INPP5D: variants seen among roughly 807,000 people sequenced by gnomAD.
INPP5D encodes the protein phosphatidylinositol 3,4,5-trisphosphate 5-phosphatase 1.
A neutral mutation model predicts 122.9 loss-of-function variants in INPP5D; 33 were observed. That is an observed-to-expected ratio of 0.27 (90% CI 0.20 to 0.36). INPP5D has a LOEUF of 0.36. Ranked by LOEUF, INPP5D falls within the 10% of genes least tolerant of loss-of-function variation. The pLI, the probability that INPP5D is intolerant of heterozygous loss-of-function variation, is 1.00. For missense variants in INPP5D, 1,053 were observed against 1,412.7 expected, an observed-to-expected ratio of 0.75 and a Z score of 4.08; for synonymous variants, 584 against 576.2, an observed-to-expected ratio of 1.01 and a Z score of -0.19.
rs1346807929 is a variant in INPP5D, at chr2:233,169,541, C to T, written c.1652+140C>T. 6.0e-6 allele frequency: 8 copies of T among 1,331,098 alleles called. No homozygotes were observed. In the Admixed American group the frequency reaches 2.1e-4, roughly 35 times the overall value. 82.5% of individuals were successfully genotyped at this position (1,331,098 alleles called of 1,614,324 possible). On this transcript the variant is annotated intron_variant, in intron 14 of 26. Coordinates refer to ENST00000445964, the MANE Select transcript of INPP5D (RefSeq NM_001017915.3). ...TCCTGTGGCCTTTCAGGGCCCACCA[C>T]AGTCTCATCAAAGGCAACTGCAGCA...
chr2:233,122,885 CAGAG>C (rs1341836112), intron 3 of INPP5D, among the ~76,000 whole-genome samples: 3 of 152,098 alleles, frequency 2.0e-5, no homozygotes, highest in African/African-American at 7.2e-5. Context: ...TTTAAAAAGA[CAGAG>C]AGAGAGAATA....
Position 233,170,862 on chromosome 2 carries a change from C to T in INPP5D, c.1901-202C>T, listed in dbSNP as rs568235363. Among the ~76,000 whole-genome samples, 424 of 147,682 alleles carry T rather than the reference C, an allele frequency of 2.9e-3. 2 individuals carry two copies. The highest frequency in any genetic ancestry group is 0.01 in the African/African-American group (400 of 39,972). ...CAGAGCTTGCAGTGAGCCAAGATCG[C>T]GCCACTGCACTCCAGCCTGGCCAAC... On this transcript the variant is annotated intron_variant, in intron 16 of 26. Transcript: ENST00000445964. This position sits in a 1 kb window ranked among gnomAD's most constrained non-coding sequence, Gnocchi z 4.5.
intron 13 of INPP5D, among the ~76,000 whole-genome samples, chr2:233,166,350 A>G (rs1694339178): frequency 6.6e-6 from 1 of 152,222 alleles, no homozygotes; most frequent in Admixed American, 6.5e-5. Context: ...AGCAGGCAGG[A>G]GCTCTGCTCA....
intron 25 of INPP5D, 140 bp from the exon 26 acceptor site, chr2:233,203,985 TA>T (rs1381714979): frequency 3.7e-6 from 5 of 1,335,902 alleles, no homozygotes; most frequent in African/African-American, 1.5e-5. Flanking sequence ...TGCCATTCAG[TA>T]AATTTGCAAT....
At chr2:233,171,010 G>A in intron 16 of INPP5D, 54 bp from the exon 17 acceptor site, 1 of 1,595,258 alleles carries the variant, frequency 6.3e-7, no homozygotes, top group Non-Finnish European at 8.5e-7. Flanking sequence ...GGGAAAATTG[G>A]CCAGATGCAA....
intron 9 of INPP5D, among the ~76,000 whole-genome samples, chr2:233,154,341 G>A (rs960917024): frequency 6.6e-6 from 1 of 152,134 alleles, no homozygotes; most frequent in Admixed American, 6.5e-5. Flanking sequence ...TAGAAATGAG[G>A]TTTCACCATG....
chr2:233,097,779 C>G (rs921920044), intron 2 of INPP5D, among the ~76,000 whole-genome samples: 27 of 152,262 alleles, frequency 1.8e-4, no homozygotes, highest in Middle Eastern at 3.4e-3. Context: ...TCTGTTCCTT[C>G]CAATGCAACT....
At chr2:233,066,768 G>A (rs887712227) in intron 1 of INPP5D, among the ~76,000 whole-genome samples, 5 of 149,940 alleles carry the variant, frequency 3.3e-5, no homozygotes, top group Non-Finnish European at 7.4e-5. Context: ...CACCATGCCC[G>A]GCTAATTTTT....
chr2:233,084,262 C>T (rs1428925697), intron 2 of INPP5D, among the ~76,000 whole-genome samples: 1 of 152,188 alleles, frequency 6.6e-6, no homozygotes, highest in Non-Finnish European at 1.5e-5. Context: ...ACTATGTTGC[C>T]CAGGCTGGTC....
Position 233,177,187 on chromosome 2 carries a change from C to T in INPP5D, c.1990-78C>T. The T allele has an allele frequency of 1.3e-6, 2 of 1,571,450 alleles. No individual in the cohort carries two copies. The highest frequency in any genetic ancestry group is 2.3e-5 in the East Asian group (1 of 43,790). On this transcript the variant is annotated intron_variant, in intron 17 of 26. Coordinates refer to ENST00000445964, the MANE Select transcript of INPP5D (RefSeq NM_001017915.3). The surrounding 1 kb of genome is among the most constrained non-coding windows in gnomAD (Gnocchi z 4.2). ...ATGAATTTGAGGATTACAGAGGCCA[C>T]CAGTTAATCTGTTCTTTTACTGATT...
At chr2:233,102,750 T>C (rs1167184072) in intron 2 of INPP5D, among the ~76,000 whole-genome samples, 2 of 150,968 alleles carry the variant, frequency 1.3e-5, no homozygotes, top group African/African-American at 4.9e-5. Flanking sequence ...CTCGGGAGGC[T>C]GAGGCAGGAG....
At chr2:233,161,054 T>C (rs1488765838) in intron 10 of INPP5D, among the ~76,000 whole-genome samples, 1 of 152,202 alleles carries the variant, frequency 6.6e-6, no homozygotes, top group Non-Finnish European at 1.5e-5. Flanking sequence ...TGGATCACAC[T>C]TGTTAAACAC....
rs1461488978 is a variant in INPP5D at position 233,105,104 on chromosome 2, C to T, written c.199-17003C>T. Among the ~76,000 whole-genome samples, 1 of 152,170 alleles carries T rather than the reference C, an allele frequency of 6.6e-6. No individual in the cohort carries two copies. The highest frequency in any genetic ancestry group is 1.5e-5 in the Non-Finnish European group (1 of 68,018). On this transcript the variant is annotated intron_variant, in intron 2 of 26. Transcript: ENST00000445964. This position sits in a 1 kb window ranked among gnomAD's most constrained non-coding sequence, Gnocchi z 4.0. Reference sequence around the variant, plus strand: ...CTCCCGGGTTTCTCCTGGATTTCCCCATAGGTGAGGTGGTTCCAGTGCCCA... The same window carrying T: ...CTCCCGGGTTTCTCCTGGATTTCCCTATAGGTGAGGTGGTTCCAGTGCCCA...
intron 2 of INPP5D, among the ~76,000 whole-genome samples, chr2:233,080,163 C>T (rs367849184): frequency 3.9e-5 from 6 of 152,186 alleles, no homozygotes; most frequent in South Asian, 2.1e-4. Context: ...CTCCTGACAG[C>T]GAATGATCTG....
rs1163425460 is a variant in INPP5D, at chr2:233,100,087, G to T, written c.198+20689G>T. Among the ~76,000 whole-genome samples, 3 of 152,174 alleles carry T rather than the reference G, an allele frequency of 2.0e-5. No homozygotes were observed. Among genetic ancestry groups the T allele is most frequent in the Non-Finnish European group, 4.4e-5 (3 of 68,032 alleles). On this transcript the variant is annotated intron_variant, in intron 2 of 26. Transcript: ENST00000445964. The surrounding 1 kb of genome is among the most constrained non-coding windows in gnomAD (Gnocchi z 5.3). ...CTCCCACGACACGTGGGAATTGTGG[G>T]AGTTACAATTCAAGATGAGATTTGG...
intron 2 of INPP5D, among the ~76,000 whole-genome samples, chr2:233,116,270 G>GAT (rs1429052220): frequency 6.8e-6 from 1 of 147,960 alleles, no homozygotes; most frequent in Admixed American, 6.7e-5. Flanking sequence ...TATAGATATA[G>GAT]ATATAGATAT....
intron 5 of INPP5D, chr2:233,131,037 ATTAAAG>A: frequency 2.5e-5 from 7 of 284,590 alleles, no homozygotes; most frequent in Non-Finnish European, 3.7e-5. Flanking sequence ...AAGGAAATAA[ATTAAAG>A]TTAGTCTATT....
chr2:233,113,061 C>G (rs1692674721), intron 2 of INPP5D, among the ~76,000 whole-genome samples: 1 of 152,174 alleles, frequency 6.6e-6, no homozygotes, highest in Admixed American at 6.5e-5. Flanking sequence ...GTGTTTGCAG[C>G]TCCTTTCTCT....
rs891444952 is a variant in INPP5D at position 233,170,756 on chromosome 2, A to G, written c.1900+152A>G. Among the ~76,000 whole-genome samples, 1 of 151,832 alleles carries G rather than the reference A, an allele frequency of 6.6e-6. No homozygotes were observed. Among genetic ancestry groups the G allele is most frequent in the Non-Finnish European group, 1.5e-5 (1 of 67,974 alleles). On this transcript the variant is annotated intron_variant, in intron 16 of 26. Coordinates refer to ENST00000445964, the MANE Select transcript of INPP5D (RefSeq NM_001017915.3). The surrounding 1 kb of genome is among the most constrained non-coding windows in gnomAD (Gnocchi z 4.5). ...GTCTCTACTTAAAAAAATACAAAAA[A>G]TTAGCCGGGTGTGGTGGCGGGTGCC...
Sources: allele counts gnomAD v4.1 joint callset (sites outside exome capture counted in the v4.1 genomes callset), GRCh38; gene constraint gnomAD v4.1.1; non-coding constraint Gnocchi (gnomAD v3.1); transcripts MANE v1.5; gene names NCBI Gene and HGNC (gene_info 2026-07-23, HGNC 2026-07-21).